Variants in GARNL3 observed in about 807,000 individuals in gnomAD.
GARNL3 encodes GTPase activating Rap/RanGAP domain like 3, also known as GTPase-activating Rap/Ran-GAP domain-like protein 3.
GARNL3 carries 63 observed loss-of-function variants against 125.0 expected under a neutral mutation model. That is an observed-to-expected ratio of 0.50 (90% CI 0.41 to 0.62). The LOEUF (loss-of-function observed/expected upper bound fraction) is 0.62, where lower values mean the gene tolerates loss of function less well. Among genes scored for constraint, GARNL3 ranks in the 20% least tolerant of loss-of-function variants. GARNL3 has a pLI of 0.00. For synonymous variants in GARNL3, 439 were observed against 457.5 expected, an observed-to-expected ratio of 0.96 and a Z score of 0.52; for missense variants, 994 against 1,244.0, an observed-to-expected ratio of 0.80 and a Z score of 3.02.
At position 127,387,261 on chromosome 9, in the gene GARNL3, C is replaced by T; in HGVS notation, c.2457C>T (p.Ala819=). 2 of 1,614,062 alleles carry T rather than the reference C, an allele frequency of 1.2e-6. No homozygotes were observed. The highest frequency in any genetic ancestry group is 1.1e-5 in the South Asian group (1 of 91,066). The change falls in exon 25 of 28, where the codon GCC becomes GCT. Residue 819 remains alanine, a synonymous_variant. Transcript: ENST00000373387. ...EVSSGGSSKG[A]SARNSPQTPP... is the part of the protein sequence containing the mutation. ...CATCTGGAGGCAGCTCCAAGGGGGC[C>T]AGTGCCCGAAATTCTCCTCAGACAC...
At chr9:127,252,214 T>C (rs2063417453) in intron 2 of GARNL3, among the ~76,000 whole-genome samples, 1 of 152,204 alleles carries the variant, frequency 6.6e-6, no homozygotes, top group African/African-American at 2.4e-5. Flanking sequence ...ATTTGTCTTT[T>C]TCCAGTTAAA....
chr9:127,294,900 G>A (rs760287600), intron 2 of GARNL3, among the ~76,000 whole-genome samples: 6 of 152,164 alleles, frequency 3.9e-5, no homozygotes, highest in South Asian at 4.1e-4. Context: ...TAGAAGGATT[G>A]CAAATTTTGG....
At chr9:127,265,053 C>CA in intron 1 of GARNL3, 32 bp downstream of exon 1, 1 of 1,581,256 alleles carries the variant, frequency 6.3e-7, no homozygotes. Context: ...AGTGGTAGTA[C>CA]ATTGATTTAG....
At chr9:127,259,292 C>T (rs1000381382), upstream of GARNL3, among the ~76,000 whole-genome samples, 1 of 152,200 alleles carries the variant, frequency 6.6e-6, no homozygotes, top group African/African-American at 2.4e-5. Context: ...AGAGATTTAA[C>T]ATGGAGGTCC....
chr9:127,377,953 A>C (rs1321918598), intron 22 of GARNL3, among the ~76,000 whole-genome samples: 2 of 151,904 alleles, frequency 1.3e-5, no homozygotes, highest in Non-Finnish European at 2.9e-5. Flanking sequence ...CAATATCATT[A>C]GTATAGGCTG....
intron 2 of GARNL3, chr9:127,243,296 T>C (rs996453788): frequency 9.0e-6 from 12 of 1,334,986 alleles, no homozygotes; most frequent in Non-Finnish European, 1.2e-5. Flanking sequence ...TTATGTTCAC[T>C]ATAGCTTGAA....
chr9:127,284,935 T>G (rs1310527834), intron 1 of GARNL3, among the ~76,000 whole-genome samples: 2 of 152,064 alleles, frequency 1.3e-5, no homozygotes, highest in African/African-American at 4.8e-5. Flanking sequence ...ATCACTGAAC[T>G]CCTGGTCTCA....
intron 1 of GARNL3, among the ~76,000 whole-genome samples, chr9:127,267,437 G>A (rs1449790374): frequency 2.0e-5 from 3 of 151,824 alleles, no homozygotes; most frequent in Non-Finnish European, 4.4e-5. Context: ...CATTTATACT[G>A]TATTTTCTAA....
At chr9:127,351,755 A>G (rs1186261778) in intron 17 of GARNL3, among the ~76,000 whole-genome samples, 2 of 152,210 alleles carry the variant, frequency 1.3e-5, no homozygotes, top group African/African-American at 2.4e-5. Context: ...AGCAAAACCT[A>G]CTTTGAAAGG....
intron 7 of GARNL3, among the ~76,000 whole-genome samples, chr9:127,330,117 G>A (rs1250121593): frequency 6.6e-6 from 1 of 152,226 alleles, no homozygotes; most frequent in Non-Finnish European, 1.5e-5. Flanking sequence ...CTCCTGGGGT[G>A]GAACCCAGCA....
chr9:127,365,458 C>A (rs915736775), intron 22 of GARNL3, 92 bp downstream of exon 22: 8 of 1,022,108 alleles, frequency 7.8e-6, no homozygotes, highest in East Asian at 2.4e-5. Context: ...TTAGATTTAC[C>A]CAGTGTATCA....
intron 1 of GARNL3, among the ~76,000 whole-genome samples, chr9:127,284,347 A>G (rs993091233): frequency 6.6e-6 from 1 of 152,168 alleles, no homozygotes; most frequent in Non-Finnish European, 1.5e-5. Context: ...TTAATCTTTT[A>G]GAAATCTCTT....
At position 127,385,883 on chromosome 9, in the gene GARNL3, G is replaced by A. The variant is rs1034687512; in HGVS notation, c.2388+738G>A. On this transcript the variant is annotated intron_variant, in intron 24 of 27. Coordinates refer to ENST00000373387, the MANE Select transcript of GARNL3 (RefSeq NM_032293.5). This position sits in a 1 kb window ranked among gnomAD's most constrained non-coding sequence, Gnocchi z 4.1. ...GTCTTACCATCATAGTACCAGTGGT[G>A]TGCTCAATGCTTCAGTCCCGCAGTG... is the stretch of plus-strand genomic sequence containing the variant. Among the ~76,000 whole-genome samples, 3 of 152,214 alleles carry A rather than the reference G, an allele frequency of 2.0e-5. No homozygotes were observed. Among genetic ancestry groups the A allele is most frequent in the African/African-American group, 7.2e-5 (3 of 41,454 alleles).
intron 2 of GARNL3, among the ~76,000 whole-genome samples, chr9:127,298,601 T>G (rs2064682460): frequency 6.6e-6 from 1 of 152,246 alleles, no homozygotes; most frequent in East Asian, 1.9e-4. Flanking sequence ...TTGTAATTTT[T>G]TATATTATAA....
At chr9:127,279,469 A>C (rs1008321050) in intron 1 of GARNL3, among the ~76,000 whole-genome samples, 4 of 152,154 alleles carry the variant, frequency 2.6e-5, no homozygotes, top group African/African-American at 9.7e-5. Flanking sequence ...ATCAGCATCT[A>C]AAATGATGGA....
intron 1 of GARNL3, among the ~76,000 whole-genome samples, chr9:127,289,956 G>A (rs980504551): frequency 1.3e-5 from 2 of 152,304 alleles, no homozygotes; most frequent in Admixed American, 1.3e-4. Context: ...GATGGTTAGG[G>A]AGGGTGGTGG....
At chr9:127,363,301 T>G (rs1291082696) in intron 21 of GARNL3, 1 of 152,314 alleles carries the variant, frequency 6.6e-6, no homozygotes, top group Non-Finnish European at 1.5e-5. Context: ...GCTGAGCTCC[T>G]GCAACTTTTG....
At chr9:127,365,145 C>G in intron 21 of GARNL3, 155 bp from the exon 22 acceptor site, 1 of 647,596 alleles carries the variant, frequency 1.5e-6, no homozygotes, top group Non-Finnish European at 2.8e-6. Context: ...ATCCCAGCCC[C>G]CAATGTGCAT....
chr9:127,324,445 T>C (rs2065501145), intron 6 of GARNL3, among the ~76,000 whole-genome samples: 1 of 152,164 alleles, frequency 6.6e-6, no homozygotes, highest in African/African-American at 2.4e-5. Flanking sequence ...CCAGCCTCCG[T>C]GCCTCCATCC....
Sources: gnomAD v4.1 joint callset for allele counts (sites outside exome capture counted in the v4.1 genomes callset) on GRCh38, gnomAD v4.1.1 for gene constraint, Gnocchi (gnomAD v3.1) non-coding constraint, MANE v1.5 for transcripts, NCBI Gene and HGNC (gene_info 2026-07-23, HGNC 2026-07-21) for gene names.